The following EBP variants were observed in gnomAD, a reference collection of about 807,000 sequenced individuals.
EBP encodes the protein EBP cholestenol delta-isomerase.
Under a neutral mutation model 14.1 loss-of-function variants are expected in EBP, and 1 was observed. The ratio of observed to expected loss-of-function variants is 0.07; its 90% CI spans 0.03 to 0.34. The LOEUF (loss-of-function observed/expected upper bound fraction) is 0.34. Ranked by LOEUF, EBP falls within the 10% of genes least tolerant of loss-of-function variation. The pLI is 0.99. For missense variants in EBP, 123 were observed against 184.6 expected (o/e 0.67, Z 1.93); for synonymous variants, 72 against 77.7 (o/e 0.93, Z 0.38).
chrX:48,522,998 A>G (rs1188649498), intron 1 of EBP, among the ~76,000 whole-genome samples: 1 of 108,219 alleles, frequency 9.2e-6, no homozygotes, highest in Non-Finnish European at 1.9e-5. Flanking sequence ...AGAGTCTCAG[A>G]CTGGAGGGCA....
intron 1 of EBP, among the ~76,000 whole-genome samples, chrX:48,523,495 A>C (rs1323103678): frequency 9.8e-6 from 1 of 102,499 alleles, no homozygotes; most frequent in Non-Finnish European, 2.0e-5. Context: ...CAGAGGTTGC[A>C]GTGAGCCGAG....
intron 4 of EBP, 25 bp downstream of exon 4, chrX:48,527,310 A>C (rs781925754): frequency 8.3e-7 from 1 of 1,210,344 alleles, no homozygotes. Flanking sequence ...CTAGAGGGGC[A>C]CTGGGCACTA....
intron 2 of EBP, chrX:48,526,722 C>T (rs1285053665): frequency 1.4e-5 from 6 of 415,130 alleles, no homozygotes; most frequent in African/African-American, 2.5e-5. Flanking sequence ...TCACTCACTC[C>T]ATCATCTACA....
intron 2 of EBP, chrX:48,524,499 G>C: frequency 7.9e-6 from 1 of 127,340 alleles, no homozygotes; most frequent in Non-Finnish European, 1.6e-5. Context: ...GGTGGCACAC[G>C]CCTGTAATCC....
rs781836618 is a variant in EBP at position 48,524,091 on chromosome X, C to A, written c.301+19C>A. On this transcript the variant is annotated intron_variant, in intron 2 of 4. Transcript: ENST00000495186. ...CAACTCTGTGAGTCCTGATTTCTTT[C>A]ATATGCTGTGGGATGGGATTTGCTG... is the stretch of plus-strand genomic sequence containing the variant. The A allele has an allele frequency of 1.7e-6, 2 of 1,203,829 alleles. No homozygotes were observed.
At chrX:48,525,851 C>A (rs782745221) in intron 2 of EBP, among the ~76,000 whole-genome samples, 2 of 109,289 alleles carry the variant, frequency 1.8e-5, no homozygotes, top group African/African-American at 6.7e-5. Context: ...CTTTGTGAGG[C>A]GAAGGCGGGC....
At chrX:48,526,070 T>G (rs1359071498) in intron 2 of EBP, among the ~76,000 whole-genome samples, 3 of 72,984 alleles carry the variant, frequency 4.1e-5, no homozygotes, top group Non-Finnish European at 7.0e-5. Flanking sequence ...GCCTGAGCGA[T>G]AAGAGCAAGG....
At chrX:48,526,856 C>A (rs2061780574) in intron 2 of EBP, 133 bp from the exon 3 acceptor site, 2 of 705,190 alleles carry the variant, frequency 2.8e-6, no homozygotes, top group Non-Finnish European at 4.5e-6. Flanking sequence ...AACAGTTACC[C>A]CATTTCACGG....
Position 48,526,922 on chromosome X carries a change from C to A in EBP, c.302-67C>A, listed in dbSNP as rs189698281. On this transcript the variant is annotated intron_variant, in intron 2 of 4. Coordinates refer to ENST00000495186, the MANE Select transcript of EBP (RefSeq NM_006579.3). ...AAGTCTGTCTTCTTGCAGGGACCCC[C>A]AGCTCTCACAAGTGTGTGTTCCTTT... is the stretch of plus-strand genomic sequence containing the variant. The A allele has an allele frequency of 6.8e-4, 790 of 1,160,491 alleles. 2 individuals are homozygous for A. The African/African-American group carries it at 0.012, about 18-fold the overall frequency.
At chrX:48,524,354 G>A (rs1035981754) in intron 2 of EBP, 11 of 207,024 alleles carry the variant, frequency 5.3e-5, no homozygotes, top group East Asian at 1.2e-4. Context: ...TTAGCCAGGC[G>A]CGGTGGCTCA....
intron 2 of EBP, 156 bp from the exon 3 acceptor site, chrX:48,526,833 C>A: frequency 1.7e-6 from 1 of 586,324 alleles, no homozygotes; most frequent in Admixed American, 2.6e-5. Context: ...GAGAAATAAA[C>A]CACTAGAATC....
chrX:48,524,190 T>A, intron 2 of EBP, 118 bp downstream of exon 2: 1 of 783,465 alleles, frequency 1.3e-6, no homozygotes, highest in Non-Finnish European at 1.8e-6. Flanking sequence ...TTTTATTTAA[T>A]CTTTTAAAAA....
intron 1 of EBP, among the ~76,000 whole-genome samples, chrX:48,523,359 C>A (rs1288810798): frequency 9.1e-6 from 1 of 110,442 alleles, no homozygotes; most frequent in Non-Finnish European, 1.9e-5. Context: ...TCAAGACCAT[C>A]CTGGCTAACA....
intron 2 of EBP, chrX:48,526,772 A>G: frequency 2.2e-6 from 1 of 464,472 alleles, no homozygotes; most frequent in South Asian, 3.1e-5. Context: ...TTGAGTACCA[A>G]TCACAGCCAC....
chrX:48,527,667 G>C (rs1227055696), intron 4 of EBP: 1 of 218,943 alleles, frequency 4.6e-6, no homozygotes, highest in Non-Finnish European at 8.3e-6. Context: ...GTGCTATGGT[G>C]TGATCTCGGC....
At chrX:48,522,600 A>G (rs185919093) in intron 1 of EBP, among the ~76,000 whole-genome samples, 1 of 112,032 alleles carries the variant, frequency 8.9e-6, no homozygotes, top group East Asian at 2.8e-4. Flanking sequence ...ACATCATAAT[A>G]TGGCTTCTAA....
intron 1 of EBP, 178 bp downstream of exon 1, chrX:48,522,085 A>G (rs967672034): frequency 3.8e-5 from 4 of 105,338 alleles, no homozygotes; most frequent in Non-Finnish European, 7.6e-5. Context: ...CCGTCTTCTC[A>G]TTGGGCAGCG....
At chrX:48,527,339 C>T in intron 4 of EBP, 54 bp downstream of exon 4, 1 of 1,206,332 alleles carries the variant, frequency 8.3e-7, no homozygotes, top group Non-Finnish European at 1.1e-6. Flanking sequence ...GATGGGGGAT[C>T]CACAGACACA....
chrX:48,523,522 C>T (rs1268452686), intron 1 of EBP, among the ~76,000 whole-genome samples, 177 bp from the exon 2 acceptor site: 1 of 103,740 alleles, frequency 9.6e-6, no homozygotes, highest in East Asian at 3.0e-4. Context: ...CCACTCCACT[C>T]CAGCCTGGGT....
Sources: allele counts gnomAD v4.1 joint callset (sites outside exome capture counted in the v4.1 genomes callset), GRCh38; gene constraint gnomAD v4.1.1; transcripts MANE v1.5; gene names NCBI Gene and HGNC (gene_info 2026-07-23, HGNC 2026-07-21).